The following ANXA8L1 variants were observed in gnomAD, a reference collection of about 807,000 sequenced individuals.
The protein encoded by ANXA8L1 is annexin A8-like protein 1.
ANXA8L1 carries 10 observed loss-of-function variants against 22.5 expected under a neutral mutation model. That is an observed-to-expected ratio of 0.44 (90% CI 0.27 to 0.75). ANXA8L1 has a LOEUF of 0.75. Ranked by LOEUF, ANXA8L1 falls within the 30% of genes least tolerant of loss-of-function variation. The pLI, the probability that ANXA8L1 is intolerant of heterozygous loss-of-function variation, is 0.15. For missense variants in ANXA8L1, 88 were observed against 219.6 expected, an observed-to-expected ratio of 0.40 and a Z score of 3.79; for synonymous variants, 36 against 86.0, an observed-to-expected ratio of 0.42 and a Z score of 3.22.
intron 1 of ANXA8L1, among the ~76,000 whole-genome samples, chr10:46,377,871 G>A (rs1282194263): frequency 1.7e-5 from 2 of 119,422 alleles, no homozygotes; most frequent in African/African-American, 3.6e-5. Context: ...AATAGATGTA[G>A]TCACAGGCTG....
In ANXA8L1 at chr10:46,384,627, G is replaced by A. The variant is rs2133013161; in HGVS notation, c.493-147G>A. 6.7e-6 allele frequency: 9 copies of A among 1,347,922 alleles called. No homozygotes were observed. In the East Asian group the frequency reaches 2.1e-4, roughly 31 times the overall value. The allele number at this position is 1,347,922 out of a possible 1,614,324, so 83.5% of individuals were successfully genotyped here. A position where few individuals can be genotyped will look rare whatever the true frequency, so the allele number is the denominator to read the frequency against. ...CCCGTTGTACAAATGAGGAAACCAA[G>A]GGCTGAAGAGAATAACTGGCTTGTC... is the stretch of plus-strand genomic sequence containing the variant. On this transcript the variant is annotated intron_variant, in intron 6 of 11. Transcript: ENST00000619162.
At position 46,390,731 on chromosome 10, in the gene ANXA8L1, A is replaced by G; in HGVS notation, c.925-140A>G. The G allele has an allele frequency of 7.9e-6, 7 of 890,884 alleles. 1 individual carries two copies. The highest frequency in any genetic ancestry group is 2.4e-5 in the Admixed American group (1 of 41,876). The allele number at this position is 890,884 out of a possible 1,614,324, so 55.2% of individuals were successfully genotyped here. On this transcript the variant is annotated intron_variant, in intron 11 of 11. Transcript: ENST00000619162. ...AACCAGGAAAGAGGGGTGATGGCAC[A>G]ACCCCTGCGGCTAGGAACCCTGGAG...
chr10:46,378,315 A>C (rs1839954691), intron 1 of ANXA8L1, among the ~76,000 whole-genome samples: 2 of 145,982 alleles, frequency 1.4e-5, no homozygotes, highest in South Asian at 4.3e-4. Flanking sequence ...AGCTTCCTTC[A>C]GTGGAACGTT....
chr10:46,383,255 C>T (rs1200519614), intron 4 of ANXA8L1, among the ~76,000 whole-genome samples: 1 of 150,428 alleles, frequency 6.6e-6, no homozygotes, highest in Non-Finnish European at 1.5e-5. Flanking sequence ...AGAGCTGAGA[C>T]AGGGCTTCCC....
chr10:46,385,314 T>C, intron 7 of ANXA8L1, 66 bp from the exon 8 acceptor site: 1 of 597,368 alleles, frequency 1.7e-6, no homozygotes, highest in African/African-American at 5.2e-5. Context: ...GCTCTGGGAC[T>C]CTGGGGCTCA....
intron 2 of ANXA8L1, 36 bp from the exon 3 acceptor site, chr10:46,381,109 TG>T: frequency 4.1e-6 from 2 of 484,350 alleles, no homozygotes; most frequent in Non-Finnish European, 6.6e-6. Flanking sequence ...TGTGTCACCC[TG>T]GGGGCAGCAG....
chr10:46,389,923 C>T (rs1235587273), intron 11 of ANXA8L1, among the ~76,000 whole-genome samples: 1 of 151,444 alleles, frequency 6.6e-6, no homozygotes, highest in Non-Finnish European at 1.5e-5. Context: ...GTTTGAAACC[C>T]GTAATGAGAT....
Position 46,383,478 on chromosome 10 carries a change from T to C in ANXA8L1, c.344T>C (p.Val115Ala). 1.1e-6 allele frequency: 1 copy of C among 869,612 alleles called. No individual in the cohort carries two copies. Among genetic ancestry groups the C allele is most frequent in the East Asian group, 2.7e-5 (1 of 36,528 alleles). The allele number at this position is 869,612 out of a possible 1,614,324, so 53.9% of individuals were successfully genotyped here. A position where few individuals can be genotyped will look rare whatever the true frequency, so the allele number is the denominator to read the frequency against. Residue 115 changes from valine to alanine, a missense_variant, in exon 5 of 12, where the codon GTC becomes GCC. Physicochemically the swap from Val to Ala is moderately conservative, Grantham distance 64. Transcript: ENST00000619162. The stretch of plus-strand genomic sequence containing the variant: ...CAGGGCTTAGGAACCAAGGAGGGTG[T>C]CATCATTGAGATCCTGGCCTCTCGG... The part of the protein sequence containing the change: ...AMKGLGTKEG[V>A]IIEILASRTK...
At chr10:46,377,906 A>C (rs200178033) in intron 1 of ANXA8L1, among the ~76,000 whole-genome samples, 23,602 of 106,928 alleles carry the variant, frequency 0.22, 637 homozygotes, top group East Asian at 0.38. Flanking sequence ...TTCAGTGAAA[A>C]TGTGCCTGTC....
intron 11 of ANXA8L1, among the ~76,000 whole-genome samples, chr10:46,389,963 A>G (rs1453671966): frequency 2.6e-5 from 4 of 151,558 alleles, no homozygotes; most frequent in African/African-American, 9.8e-5. Context: ...AATTTTACTA[A>G]ATGGTGAAAA....
rs1259347848 is a variant in ANXA8L1 at position 46,378,983 on chromosome 10, G to T, written c.22-902G>T. On this transcript the variant is annotated intron_variant, in intron 1 of 11. Coordinates refer to ENST00000619162, the MANE Select transcript of ANXA8L1 (RefSeq NM_001098845.3). ...GGTAGTCAAATGGGTAAGTGCGTAG[G>T]TGGGAAAGTAGATGGGCAGATGATG... Among the ~76,000 whole-genome samples the T allele has an allele frequency of 1.5e-4, 21 of 142,208 alleles. No homozygotes were observed. In the East Asian group the frequency reaches 4.2e-3, roughly 28 times the overall value. The allele number at this position is 142,208 out of a possible 152,430, so 93.3% of individuals were successfully genotyped here.
chr10:46,377,562 T>G (rs1281597230), intron 1 of ANXA8L1, among the ~76,000 whole-genome samples: 2 of 119,012 alleles, frequency 1.7e-5, no homozygotes, highest in Admixed American at 9.2e-5. Context: ...ATGTGAGAGC[T>G]GGCTCGGGGT....
intron 11 of ANXA8L1, among the ~76,000 whole-genome samples, chr10:46,389,272 G>A (rs1289889144): frequency 0.012 from 1,309 of 110,936 alleles, 10 homozygotes; most frequent in Non-Finnish European, 0.018. Flanking sequence ...GGGCAAGAGA[G>A]GATTGGAATT....
intron 11 of ANXA8L1, among the ~76,000 whole-genome samples, chr10:46,388,859 T>C (rs1435622604): frequency 2.6e-5 from 4 of 151,484 alleles, no homozygotes; most frequent in African/African-American, 9.7e-5. Flanking sequence ...ACTAGTCCGG[T>C]AGGAATCGGG....
rs1565095693 is a variant in ANXA8L1 at position 46,389,733 on chromosome 10, A to G, written c.925-1138A>G. Among the ~76,000 whole-genome samples the G allele has an allele frequency of 2.6e-5, 4 of 151,486 alleles. No homozygotes were observed. In the South Asian group the frequency reaches 8.3e-4, roughly 32 times the overall value. Reference sequence around the variant, plus strand: ...AAAAATTGTCTTCAAAATAATAAAAATCACCAGGCGTAGTGGCCCACACCT... The same window carrying G: ...AAAAATTGTCTTCAAAATAATAAAAGTCACCAGGCGTAGTGGCCCACACCT... On this transcript the variant is annotated intron_variant, in intron 11 of 11. Transcript: ENST00000619162.
rs1352995031 is a variant in ANXA8L1, at chr10:46,385,578, A to G, written c.646+105A>G. 4 of 482,188 alleles carry G rather than the reference A, an allele frequency of 8.3e-6. No individual in the cohort carries two copies. In the East Asian group the frequency reaches 1.1e-4, roughly 13 times the overall value. 29.9% of individuals were successfully genotyped at this position (482,188 alleles called of 1,614,324 possible). A position where few individuals can be genotyped will look rare whatever the true frequency, so the allele number is the denominator to read the frequency against. ...CAAGTCTAGAGTTAGGGAGAGAGCCAGGGAGCCCAGGACTGTTTCCCCAGC... is the reference window on the plus strand; with the variant it reads ...CAAGTCTAGAGTTAGGGAGAGAGCCGGGGAGCCCAGGACTGTTTCCCCAGC... On this transcript the variant is annotated intron_variant, in intron 8 of 11. Coordinates refer to ENST00000619162, the MANE Select transcript of ANXA8L1 (RefSeq NM_001098845.3).
At position 46,385,556 on chromosome 10, in the gene ANXA8L1, G is replaced by A. The variant is rs1229981407; in HGVS notation, c.646+83G>A. 2 of 952,772 alleles carry A rather than the reference G, an allele frequency of 2.1e-6. 1 individual carries two copies. Among genetic ancestry groups the A allele is most frequent in the Non-Finnish European group, 3.1e-6 (2 of 648,476 alleles). The allele number at this position is 952,772 out of a possible 1,614,324, so 59.0% of individuals were successfully genotyped here. A position where few individuals can be genotyped will look rare whatever the true frequency, so the allele number is the denominator to read the frequency against. On this transcript the variant is annotated intron_variant, in intron 8 of 11. Transcript: ENST00000619162. ...CTCCCTCGTGCTTCTGCCTTGTCAA[G>A]TCTAGAGTTAGGGAGAGAGCCAGGG...
chr10:46,383,475 G>T lies in ANXA8L1; in HGVS notation c.341G>T (p.Gly114Val), dbSNP rs1840000613. The change falls in exon 5 of 12, where the codon GGT becomes GTT. Residue 114 changes from glycine (G) to valine (V), a missense_variant. By Grantham distance (109) the Gly-to-Val change is moderately radical. Coordinates refer to ENST00000619162, the MANE Select transcript of ANXA8L1 (RefSeq NM_001098845.3). ...CCACAGGGCTTAGGAACCAAGGAGG[G>T]TGTCATCATTGAGATCCTGGCCTCT... The part of the protein sequence containing the change: ...DAMKGLGTKE[G>V]VIIEILASRT... 1.2e-6 allele frequency: 1 copy of T among 840,726 alleles called. No homozygotes were observed. Among genetic ancestry groups the T allele is most frequent in the Non-Finnish European group, 1.7e-6 (1 of 572,794 alleles). The allele number at this position is 840,726 out of a possible 1,614,324, so 52.1% of individuals were successfully genotyped here.
chr10:46,383,360 T>A lies in ANXA8L1; in HGVS notation c.322-96T>A, dbSNP rs1432037549. 173 of 685,490 alleles carry A rather than the reference T, an allele frequency of 2.5e-4. 1 individual carries two copies. The highest frequency in any genetic ancestry group is 4.0e-4 in the Non-Finnish European group (162 of 400,688). 42.5% of individuals were successfully genotyped at this position (685,490 alleles called of 1,614,324 possible). ...CTTCAAGTGGGGCAGGGCAGTGAGG[T>A]CCTTCCTGAGGCTCAGGCATCTTGA... On this transcript the variant is annotated intron_variant, in intron 4 of 11. Coordinates refer to ENST00000619162, the MANE Select transcript of ANXA8L1 (RefSeq NM_001098845.3).
Sources: gnomAD v4.1 joint callset for allele counts (sites outside exome capture counted in the v4.1 genomes callset) on GRCh38, gnomAD v4.1.1 for gene constraint, MANE v1.5 for transcripts, NCBI Gene and HGNC (gene_info 2026-07-23, HGNC 2026-07-21) for gene names.